CCDC68: variants seen among roughly 807,000 people sequenced by gnomAD.
The protein encoded by CCDC68 is coiled-coil domain-containing protein 68.
A neutral mutation model predicts 47.1 loss-of-function variants in CCDC68; 45 were observed. The observed-to-expected ratio is 0.96, with a 90% CI of 0.75 to 1.23. CCDC68 has a LOEUF of 1.23. Ranked by LOEUF, CCDC68 falls within the 50% of genes most tolerant of loss-of-function variation. The pLI, the probability that CCDC68 is intolerant of heterozygous loss-of-function variation, is 0.00. For missense variants in CCDC68, 353 were observed against 373.6 expected (o/e 0.94, Z 0.45); for synonymous variants, 131 against 129.5 (o/e 1.01, Z -0.08).
At chr18:54,939,903 A>G (rs376246785) in intron 4 of CCDC68, among the ~76,000 whole-genome samples, 1 of 151,834 alleles carries the variant, frequency 6.6e-6, no homozygotes, top group African/African-American at 2.4e-5. Flanking sequence ...GCTACTCTCA[A>G]CTGTGGTCTA....
intron 8 of CCDC68, among the ~76,000 whole-genome samples, chr18:54,924,989 C>G (rs1255894328): frequency 6.6e-6 from 1 of 152,142 alleles, no homozygotes; most frequent in Admixed American, 6.6e-5. Context: ...AAGGGGTAAG[C>G]TGAAAACATT....
At chr18:54,913,436 T>C (rs2145391942) in intron 10 of CCDC68, among the ~76,000 whole-genome samples, 1 of 152,346 alleles carries the variant, frequency 6.6e-6, no homozygotes, top group East Asian at 1.9e-4. Flanking sequence ...TGCAAGACAG[T>C]GTACCCCTGC....
At chr18:54,957,819 A>G (rs1002155696) in intron 1 of CCDC68, among the ~76,000 whole-genome samples, 1 of 152,234 alleles carries the variant, frequency 6.6e-6, no homozygotes, top group Admixed American at 6.5e-5. Context: ...AAAGATGAGA[A>G]ACTACTATTT....
intron 8 of CCDC68, among the ~76,000 whole-genome samples, chr18:54,924,947 G>A (rs1015949698): frequency 3.3e-5 from 5 of 152,156 alleles, no homozygotes; most frequent in African/African-American, 1.2e-4. Flanking sequence ...CTGTTTAGAT[G>A]ATGTTCTGAG....
chr18:54,908,436 C>T (rs1214914852), intron 10 of CCDC68, among the ~76,000 whole-genome samples: 2 of 152,146 alleles, frequency 1.3e-5, no homozygotes, highest in Admixed American at 6.5e-5. Context: ...TAATATTTTA[C>T]ATCTGGAAGC....
chr18:54,927,393 G>A (rs1321324541), intron 8 of CCDC68, among the ~76,000 whole-genome samples: 1 of 151,944 alleles, frequency 6.6e-6, no homozygotes, highest in African/African-American at 2.4e-5. Context: ...TTTTAAAACA[G>A]GTATATTGTT....
At chr18:54,918,796 T>C (rs534292955) in intron 9 of CCDC68, among the ~76,000 whole-genome samples, 2 of 152,300 alleles carry the variant, frequency 1.3e-5, no homozygotes, top group Admixed American at 1.3e-4. Flanking sequence ...AAATACACAC[T>C]CCGCCATCTA....
chr18:54,919,935 G>T (rs1308866819), intron 8 of CCDC68, among the ~76,000 whole-genome samples: 1 of 151,464 alleles, frequency 6.6e-6, no homozygotes, highest in Non-Finnish European at 1.5e-5. Context: ...GAAACGGGGG[G>T]AAAAAAGGAG....
At chr18:54,941,837 C>T (rs1304005300) in intron 3 of CCDC68, among the ~76,000 whole-genome samples, 1 of 151,838 alleles carries the variant, frequency 6.6e-6, no homozygotes, top group African/African-American at 2.4e-5. Context: ...GCTCTGTTGC[C>T]CAGGCTGGAG....
At chr18:54,922,689 T>TA (rs1259897499) in intron 8 of CCDC68, among the ~76,000 whole-genome samples, 1 of 151,140 alleles carries the variant, frequency 6.6e-6, no homozygotes, top group African/African-American at 2.4e-5. Context: ...CCATCTCTAT[T>TA]AAAAATGCAA....
At chr18:54,915,061 T>C (rs2043921935) in intron 10 of CCDC68, among the ~76,000 whole-genome samples, 1 of 152,208 alleles carries the variant, frequency 6.6e-6, no homozygotes, top group Admixed American at 6.5e-5. Context: ...CTTAATTAGA[T>C]ATGAGCAGAG....
intron 2 of CCDC68, 54 bp from the exon 3 acceptor site, chr18:54,942,857 T>C (rs1568158645): frequency 7.3e-6 from 7 of 955,182 alleles, no homozygotes; most frequent in Admixed American, 1.9e-5. Context: ...ATTGTATGAT[T>C]ATATGGTTCA....
At chr18:54,916,452 T>C (rs187318629) in intron 10 of CCDC68, among the ~76,000 whole-genome samples, 7 of 152,264 alleles carry the variant, frequency 4.6e-5, no homozygotes, top group African/African-American at 1.4e-4. Flanking sequence ...GGATAAGGCC[T>C]CCAGTGGGAA....
chr18:54,939,450 C>A (rs557205348), intron 4 of CCDC68, among the ~76,000 whole-genome samples: 1 of 151,998 alleles, frequency 6.6e-6, no homozygotes, highest in Non-Finnish European at 1.5e-5. Flanking sequence ...AGCCTAGATG[C>A]GGCCTTTCTA....
At chr18:54,906,128 C>T (rs1405591665) in intron 11 of CCDC68, among the ~76,000 whole-genome samples, 5 of 151,914 alleles carry the variant, frequency 3.3e-5, no homozygotes, top group Non-Finnish European at 7.4e-5. Context: ...TGAATCACCC[C>T]GAAACTATCC....
In CCDC68 at chr18:54,901,638, T is replaced by C. The variant is rs1258280585; in HGVS notation, c.*2720A>G. ...ATATACTATACTAATTGTTTAAACATTTTATAATGATAATTTGTAACAACA... is the reference window on the plus strand; with the variant it reads ...ATATACTATACTAATTGTTTAAACACTTTATAATGATAATTTGTAACAACA... On this transcript the variant is annotated 3_prime_UTR_variant, in exon 12 of 12. Transcript: ENST00000591504. The C allele has an allele frequency of 6.6e-6, 1 of 152,208 alleles. No homozygotes were observed. Among genetic ancestry groups the C allele is most frequent in the Non-Finnish European group, 1.5e-5 (1 of 68,028 alleles). 9.4% of individuals were successfully genotyped at this position (152,208 alleles called of 1,614,324 possible).
intron 1 of CCDC68, among the ~76,000 whole-genome samples, chr18:54,949,094 A>G (rs533878505): frequency 2.6e-5 from 4 of 152,340 alleles, no homozygotes; most frequent in Admixed American, 2.6e-4. Context: ...CCTGGGTTCC[A>G]GTGATTCTCG....
chr18:54,927,462 GA>G (rs202220737), intron 8 of CCDC68, among the ~76,000 whole-genome samples: 23 of 148,428 alleles, frequency 1.5e-4, no homozygotes, highest in Non-Finnish European at 2.4e-4. Flanking sequence ...TTTTTTAAAG[GA>G]AAAAAAAAAT....
intron 4 of CCDC68, 128 bp downstream of exon 4, chr18:54,940,869 C>A (rs1048213510): frequency 1.1e-5 from 7 of 638,644 alleles, no homozygotes; most frequent in African/African-American, 5.5e-5. Context: ...TGGCCATTAA[C>A]GTCTTTAGAT....
Sources: allele counts gnomAD v4.1 joint callset (sites outside exome capture counted in the v4.1 genomes callset), GRCh38; gene constraint gnomAD v4.1.1; transcripts MANE v1.5; gene names NCBI Gene and HGNC (gene_info 2026-07-23, HGNC 2026-07-21).